Variants in TAGLN observed in about 807,000 individuals in gnomAD.
TAGLN encodes transgelin.
Under a neutral mutation model 21.9 loss-of-function variants are expected in TAGLN, and 16 were observed. The observed-to-expected ratio is 0.73, with a 90% CI of 0.49 to 1.11. TAGLN has a LOEUF of 1.11. Ranked by LOEUF, TAGLN falls within the 50% of genes least tolerant of loss-of-function variation. The pLI, the probability that TAGLN is intolerant of heterozygous loss-of-function variation, is 0.00. For missense variants in TAGLN, 248 were observed against 263.2 expected, an observed-to-expected ratio of 0.94 and a Z score of 0.40; for synonymous variants, 96 against 94.9, an observed-to-expected ratio of 1.01 and a Z score of -0.06.
chr11:117,203,649 G>C lies in TAGLN; in HGVS notation c.359-133G>C, dbSNP rs780165958. ...GCCACGCTCACAGGGCCCACTGAGA[G>C]GCCTCCCTTGAATTGGGGACAACTC... On this transcript the variant is annotated intron_variant, in intron 3 of 4. Coordinates refer to ENST00000392951, the MANE Select transcript of TAGLN (RefSeq NM_003186.5). This position sits in a 1 kb window ranked among gnomAD's most constrained non-coding sequence, Gnocchi z 4.4. The C allele has an allele frequency of 6.4e-6, 8 of 1,245,220 alleles. No individual in the cohort carries two copies. The highest frequency in any genetic ancestry group is 9.0e-6 in the Non-Finnish European group (8 of 887,400). 77.1% of individuals were successfully genotyped at this position (1,245,220 alleles called of 1,614,324 possible). A position where few individuals can be genotyped will look rare whatever the true frequency, so the allele number is the denominator to read the frequency against.
At chr11:117,204,076 C>T in intron 4 of TAGLN, 139 bp from the exon 5 acceptor site, 1 of 1,338,074 alleles carries the variant, frequency 7.5e-7, no homozygotes, top group South Asian at 1.4e-5. Context: ...TCTCCCTAGC[C>T]TATGAGGCAA....
chr11:117,206,230 G>A lies in TAGLN; in HGVS notation c.*1871G>A, dbSNP rs535618801. 31 of 1,614,036 alleles carry A rather than the reference G, an allele frequency of 1.9e-5. No individual in the cohort carries two copies. Among genetic ancestry groups the A allele is most frequent in the South Asian group, 1.5e-4 (14 of 91,090 alleles). ...CCTTCCTCCTTGGCTTTCCGGCTCC[G>A]ATGGGGCCAGTGGCAGGGTCCACTC... On this transcript the variant is annotated 3_prime_UTR_variant, in exon 5 of 5. Transcript: ENST00000392951.
In TAGLN at chr11:117,205,230, G is replaced by C; in HGVS notation, c.*871G>C. Reference sequence around the variant, plus strand: ...AAGGTTGAGAGAAGAGTCACAGCCTGTCAGGCAGATAGCTGGCCTCCGGCG... The same window carrying C: ...AAGGTTGAGAGAAGAGTCACAGCCTCTCAGGCAGATAGCTGGCCTCCGGCG... On this transcript the variant is annotated 3_prime_UTR_variant, in exon 5 of 5. Transcript: ENST00000392951. 4.3e-6 allele frequency: 1 copy of C among 233,758 alleles called. No homozygotes were observed. The highest frequency in any genetic ancestry group is 8.5e-6 in the Non-Finnish European group (1 of 118,028). The allele number at this position is 233,758 out of a possible 1,614,324, so 14.5% of individuals were successfully genotyped here. A position where few individuals can be genotyped will look rare whatever the true frequency, so the allele number is the denominator to read the frequency against.
rs1281963250 is a variant in TAGLN at position 117,205,453 on chromosome 11, A to T, written c.*1094A>T. On this transcript the variant is annotated 3_prime_UTR_variant, in exon 5 of 5. Transcript: ENST00000392951. ...CAGCTGTGCCGGCAGCATCATACCAATCGTGGGGGTGGTGAAGGAGCCAGG... is the reference window on the plus strand; with the variant it reads ...CAGCTGTGCCGGCAGCATCATACCATTCGTGGGGGTGGTGAAGGAGCCAGG... The T allele has an allele frequency of 4.3e-6, 1 of 233,600 alleles. No individual in the cohort carries two copies. The highest frequency in any genetic ancestry group is 8.5e-6 in the Non-Finnish European group (1 of 118,220). The allele number at this position is 233,600 out of a possible 1,614,324, so 14.5% of individuals were successfully genotyped here. A position where few individuals can be genotyped will look rare whatever the true frequency, so the allele number is the denominator to read the frequency against.
chr11:117,205,061 G>A lies in TAGLN; in HGVS notation c.*702G>A, dbSNP rs148609450. 88 of 216,490 alleles carry A rather than the reference G, an allele frequency of 4.1e-4. No individual in the cohort carries two copies. In the Middle Eastern group the frequency reaches 7.3e-3, roughly 18 times the overall value. The allele number at this position is 216,490 out of a possible 1,614,324, so 13.4% of individuals were successfully genotyped here. A position where few individuals can be genotyped will look rare whatever the true frequency, so the allele number is the denominator to read the frequency against. The stretch of plus-strand genomic sequence containing the variant: ...GGAGACAGAGGAAAGGAGAGATTGC[G>A]AGTGGCAGAATTGTTTGGAAGGTTT... On this transcript the variant is annotated 3_prime_UTR_variant, in exon 5 of 5. Transcript: ENST00000392951.
At position 117,203,688 on chromosome 11, in the gene TAGLN, G is replaced by C. The variant is rs2031202894; in HGVS notation, c.359-94G>C. ...TGGGGACAACTCTTGGCCCTGGTTTGGCCATTTTTTTGTGAGAGACGGGGG... is the reference window on the plus strand; with the variant it reads ...TGGGGACAACTCTTGGCCCTGGTTTCGCCATTTTTTTGTGAGAGACGGGGG... On this transcript the variant is annotated intron_variant, in intron 3 of 4. Transcript: ENST00000392951. This position sits in a 1 kb window ranked among gnomAD's most constrained non-coding sequence, Gnocchi z 4.4. The C allele has an allele frequency of 7.1e-7, 1 of 1,411,714 alleles. No individual in the cohort carries two copies. The highest frequency in any genetic ancestry group is 1.4e-5 in the African/African-American group (1 of 70,534). The allele number at this position is 1,411,714 out of a possible 1,614,324, so 87.4% of individuals were successfully genotyped here. A position where few individuals can be genotyped will look rare whatever the true frequency, so the allele number is the denominator to read the frequency against.
At chr11:117,202,837 G>A (rs2031154404) in intron 1 of TAGLN, 165 bp from the exon 2 acceptor site, 2 of 513,146 alleles carry the variant, frequency 3.9e-6, no homozygotes, top group South Asian at 9.1e-5. Context: ...AGTTCAGAGA[G>A]GTGTCTGGAG....
chr11:117,204,278 T>C lies in TAGLN; in HGVS notation c.525T>C (p.Ile175=). The change falls in exon 5 of 5, where the codon ATT becomes ATC. Residue 175 remains isoleucine (I), a synonymous_variant. Coordinates refer to ENST00000392951, the MANE Select transcript of TAGLN (RefSeq NM_003186.5). ...ESQLQEGKHV[I]GLQMGSNRGA... is the part of the protein sequence containing the mutation. The stretch of plus-strand genomic sequence containing the variant: ...AGCTGCAGGAGGGAAAGCATGTCAT[T>C]GGCCTTCAGATGGGCAGCAACAGAG... The C allele has an allele frequency of 6.2e-7, 1 of 1,614,210 alleles. No individual in the cohort carries two copies. The highest frequency in any genetic ancestry group is 8.5e-7 in the Non-Finnish European group (1 of 1,180,026).
chr11:117,206,178 C>G lies in TAGLN; in HGVS notation c.*1819C>G, dbSNP rs772747362. 1.9e-6 allele frequency: 3 copies of G among 1,613,918 alleles called. No individual in the cohort carries two copies. The South Asian group carries it at 3.3e-5, about 18-fold the overall frequency. Reference sequence around the variant, plus strand: ...CACTTCGTCTGGATCCTTGCTGCTGCAAAGTGGCACTGATTCTAGCTCTGT... The same window carrying G: ...CACTTCGTCTGGATCCTTGCTGCTGGAAAGTGGCACTGATTCTAGCTCTGT... On this transcript the variant is annotated 3_prime_UTR_variant, in exon 5 of 5. Transcript: ENST00000392951.
chr11:117,201,581 C>T (rs1481816277), intron 1 of TAGLN: 1 of 152,260 alleles, frequency 6.6e-6, no homozygotes, highest in Non-Finnish European at 1.5e-5. Flanking sequence ...TTTTCACAGC[C>T]CTCTGAGGTT....
At chr11:117,200,441 A>C (rs371082199) in intron 1 of TAGLN, 1 of 152,330 alleles carries the variant, frequency 6.6e-6, no homozygotes, top group Non-Finnish European at 1.5e-5. Context: ...GGCAGGAGCC[A>C]CAGGGCAGGA....
intron 1 of TAGLN, 56 bp downstream of exon 1, chr11:117,199,488 G>GT (rs1336499361): frequency 1.3e-5 from 2 of 152,310 alleles, no homozygotes; most frequent in Non-Finnish European, 1.5e-5. Context: ...GACAGGAGCA[G>GT]TGGGTGCATT....
chr11:117,204,277 T>C lies in TAGLN; in HGVS notation c.524T>C (p.Ile175Thr). Residue 175 changes from isoleucine to threonine, a missense_variant, in exon 5 of 5, where the codon ATT becomes ACT. Ile to Thr is a moderately conservative substitution (Grantham distance 89, BLOSUM62 -1). Coordinates refer to ENST00000392951, the MANE Select transcript of TAGLN (RefSeq NM_003186.5). Reference protein sequence around the residue: ...ESQLQEGKHVIGLQMGSNRGA... With the variant: ...ESQLQEGKHVTGLQMGSNRGA... ...CAGCTGCAGGAGGGAAAGCATGTCATTGGCCTTCAGATGGGCAGCAACAGA... is the reference window on the plus strand; with the variant it reads ...CAGCTGCAGGAGGGAAAGCATGTCACTGGCCTTCAGATGGGCAGCAACAGA... 1.2e-6 allele frequency: 2 copies of C among 1,614,252 alleles called. No homozygotes were observed. Among genetic ancestry groups the C allele is most frequent in the South Asian group, 1.1e-5 (1 of 91,086 alleles).
chr11:117,203,079 T>C lies in TAGLN; in HGVS notation c.66T>C (p.Tyr22=). 6.2e-7 allele frequency: 1 copy of C among 1,611,996 alleles called. No homozygotes were observed. Among genetic ancestry groups the C allele is most frequent in the Non-Finnish European group, 8.5e-7 (1 of 1,178,982 alleles). ...TGCAGTCCAAAATCGAGAAGAAGTA[T>C]GACGAGGAGCTGGAGGAGCGGCTGG... ...REVQSKIEKK[Y]DEELEERLVE... The change falls in exon 2 of 5, where the codon TAT becomes TAC. Residue 22 remains tyrosine (Y), a synonymous_variant. Coordinates refer to ENST00000392951, the MANE Select transcript of TAGLN (RefSeq NM_003186.5). This position sits in a 1 kb window ranked among gnomAD's most constrained non-coding sequence, Gnocchi z 4.4.
chr11:117,203,221 G>A lies in TAGLN; in HGVS notation c.180+28G>A. ...GAGTGGCACCCTGGGCTAGGGCGCT[G>A]GGGGGCTGGGGTGTGCCACCCTGTG... On this transcript the variant is annotated intron_variant, in intron 2 of 4. Transcript: ENST00000392951. This position sits in a 1 kb window ranked among gnomAD's most constrained non-coding sequence, Gnocchi z 4.4. 1 of 1,592,584 alleles carries A rather than the reference G, an allele frequency of 6.3e-7. No homozygotes were observed. Among genetic ancestry groups the A allele is most frequent in the South Asian group, 1.1e-5 (1 of 88,648 alleles).
rs1251479397 is a variant in TAGLN at position 117,203,153 on chromosome 11, G to A, written c.140G>A (p.Arg47His). ...GGCCCTGATGTGGGCCGCCCAGACC[G>A]TGGGCGCTTGGGCTTCCAGGTCTGG... ...QCGPDVGRPD[R>H]GRLGFQVWLK... is the part of the protein sequence containing the mutation. The change falls in exon 2 of 5, where the codon CGT becomes CAT. Residue 47 changes from arginine to histidine, a missense_variant. Coordinates refer to ENST00000392951, the MANE Select transcript of TAGLN (RefSeq NM_003186.5). The surrounding 1 kb of genome is among the most constrained non-coding windows in gnomAD (Gnocchi z 4.4). 11 of 1,596,536 alleles carry A rather than the reference G, an allele frequency of 6.9e-6. No individual in the cohort carries two copies. The highest frequency in any genetic ancestry group is 4.5e-5 in the South Asian group (4 of 89,054).
At position 117,205,775 on chromosome 11, in the gene TAGLN, C is replaced by T. The variant is rs2031335462; in HGVS notation, c.*1416C>T. 1 of 440,424 alleles carries T rather than the reference C, an allele frequency of 2.3e-6. No individual in the cohort carries two copies. Among genetic ancestry groups the T allele is most frequent in the Non-Finnish European group, 4.0e-6 (1 of 247,900 alleles). 27.3% of individuals were successfully genotyped at this position (440,424 alleles called of 1,614,324 possible). A position where few individuals can be genotyped will look rare whatever the true frequency, so the allele number is the denominator to read the frequency against. ...GCGCCAATCCCCTGTCCAACACCTT[C>T]TCACCAAAAGCTCCCGTTTGGCTGG... On this transcript the variant is annotated 3_prime_UTR_variant, in exon 5 of 5. Transcript: ENST00000392951.
chr11:117,206,019 C>A lies in TAGLN; in HGVS notation c.*1660C>A. The stretch of plus-strand genomic sequence containing the variant: ...AGGTCAGCAGATCTGCTCCTCCTTC[C>A]CGTGCGGTACGTCTAGGTGCTGATG... On this transcript the variant is annotated 3_prime_UTR_variant, in exon 5 of 5. Coordinates refer to ENST00000392951, the MANE Select transcript of TAGLN (RefSeq NM_003186.5). The A allele has an allele frequency of 6.6e-6, 8 of 1,219,270 alleles. No homozygotes were observed. The highest frequency in any genetic ancestry group is 9.2e-6 in the Non-Finnish European group (8 of 871,664). 75.5% of individuals were successfully genotyped at this position (1,219,270 alleles called of 1,614,324 possible).
Position 117,205,496 on chromosome 11 carries a change from T to C in TAGLN, c.*1137T>C. On this transcript the variant is annotated 3_prime_UTR_variant, in exon 5 of 5. Coordinates refer to ENST00000392951, the MANE Select transcript of TAGLN (RefSeq NM_003186.5). The stretch of plus-strand genomic sequence containing the variant: ...GAGCCAGGGGTTCATTCATGGTTGG[T>C]TTCTGATCAGGCATCTTGGGAATGG... 4.3e-6 allele frequency: 1 copy of C among 234,244 alleles called. No homozygotes were observed. Among genetic ancestry groups the C allele is most frequent in the Non-Finnish European group, 8.4e-6 (1 of 118,526 alleles). The allele number at this position is 234,244 out of a possible 1,614,324, so 14.5% of individuals were successfully genotyped here. A position where few individuals can be genotyped will look rare whatever the true frequency, so the allele number is the denominator to read the frequency against.
Sources: allele counts gnomAD v4.1 joint callset, GRCh38; gene constraint gnomAD v4.1.1; non-coding constraint Gnocchi (gnomAD v3.1); transcripts MANE v1.5; gene names NCBI Gene and HGNC (gene_info 2026-07-23, HGNC 2026-07-21).